Variants in CARF observed in about 807,000 individuals in gnomAD.
The protein encoded by CARF is calcium-responsive transcription factor.
In CARF, 57 loss-of-function variants were observed where a neutral mutation model predicts 82.0. The observed-to-expected ratio is 0.70, with a 90% CI of 0.56 to 0.87. The LOEUF (loss-of-function observed/expected upper bound fraction) is 0.87, where lower values mean the gene tolerates loss of function less well. CARF is among the 40% of genes least tolerant of loss of function. CARF has a pLI of 0.00. For synonymous variants in CARF, 268 were observed against 290.1 expected (o/e 0.92, Z 0.77); for missense variants, 771 against 855.8 (o/e 0.90, Z 1.24).
intron 1 of CARF, among the ~76,000 whole-genome samples, chr2:202,914,656 A>C (rs1689258261): frequency 6.6e-6 from 1 of 151,884 alleles, no homozygotes; most frequent in Non-Finnish European, 1.5e-5. Context: ...GGGGGTGCCT[A>C]TAATCCGAGC....
At chr2:202,915,006 TTTG>T (rs1689352231) in intron 1 of CARF, among the ~76,000 whole-genome samples, 1 of 151,712 alleles carries the variant, frequency 6.6e-6, no homozygotes, top group Non-Finnish European at 1.5e-5. Context: ...GGTGGTGGTG[TTTG>T]TTGTTTTGTT....
intron 10 of CARF, 87 bp downstream of exon 10, chr2:202,967,185 AC>A: frequency 7.2e-7 from 1 of 1,381,826 alleles, no homozygotes; most frequent in South Asian, 1.5e-5. Flanking sequence ...TTTATACAGT[AC>A]CAAAAAGTAT....
intron 5 of CARF, among the ~76,000 whole-genome samples, chr2:202,948,311 G>T (rs926100432): frequency 6.6e-6 from 1 of 152,096 alleles, no homozygotes. Context: ...TCTACTTTTT[G>T]CTTAGGATTG....
rs367848054 is a variant in CARF at position 202,955,700 on chromosome 2, C to T, written c.584C>T (p.Pro195Leu). 3.1e-6 allele frequency: 5 copies of T among 1,610,286 alleles called. No individual in the cohort carries two copies. In the African/African-American group the frequency reaches 5.3e-5, roughly 17 times the overall value. Residue 195 changes from proline (P) to leucine (L), a missense_variant, in exon 8 of 17, where the codon CCT (proline) becomes CTT (leucine). Pro to Leu is a moderately conservative substitution (Grantham distance 98). Coordinates refer to ENST00000438828, the MANE Select transcript of CARF (RefSeq NM_024744.17). ...ATGCTGGAAGAACCCCTTCTGGGGCCTCTTCAGCCACTTTCTTCTAATACA... is the reference window on the plus strand; with the variant it reads ...ATGCTGGAAGAACCCCTTCTGGGGCTTCTTCAGCCACTTTCTTCTAATACA... ...TGMLEEPLLG[P>L]LQPLSSNTPI...
intron 8 of CARF, among the ~76,000 whole-genome samples, chr2:202,956,288 C>T (rs1367240117): frequency 6.6e-6 from 1 of 151,992 alleles, no homozygotes; most frequent in Non-Finnish European, 1.5e-5. Context: ...CAGAGTCTCC[C>T]TCTGTCCCCC....
At chr2:202,980,617 TATATATATATATATATA>T (rs1300988794) in intron 14 of CARF, among the ~76,000 whole-genome samples, 945 of 30,644 alleles carry the variant, frequency 0.031, 33 homozygotes, top group African/African-American at 0.063. Flanking sequence ...GTCTTTCAAG[TATATATATATATATATA>T]TATATATATA....
chr2:202,964,564 A>C (rs769663300), intron 9 of CARF, among the ~76,000 whole-genome samples: 1 of 152,170 alleles, frequency 6.6e-6, no homozygotes, highest in Non-Finnish European at 1.5e-5. Context: ...TACAGGCATG[A>C]GCCACTGTGC....
rs2060391397 is a variant in CARF, at chr2:202,985,092, A to G, written c.*1468A>G. ...AAAAGATTGGTAAACTAGAAATATC[A>G]ACTATAATTGTCAGGAAATTAACCT... On this transcript the variant is annotated 3_prime_UTR_variant, in exon 17 of 17. Transcript: ENST00000438828. 1 of 152,008 alleles carries G rather than the reference A, an allele frequency of 6.6e-6. No homozygotes were observed. Among genetic ancestry groups the G allele is most frequent in the Non-Finnish European group, 1.5e-5 (1 of 67,992 alleles). 9.4% of individuals were successfully genotyped at this position (152,008 alleles called of 1,614,324 possible).
rs1192034453 is a variant in CARF at position 202,986,895 on chromosome 2, T to TATATAC, written c.*3276_*3277insCATATA. On this transcript the variant is annotated 3_prime_UTR_variant, in exon 17 of 17. Transcript: ENST00000438828. ...ATATATATATATATATATATATATA[T>TATATAC]ATATATATATATAGCAACTTGATGT... 50 of 107,472 alleles carry TATATAC rather than the reference T, an allele frequency of 4.7e-4. No homozygotes were observed. The highest frequency in any genetic ancestry group is 1.0e-3 in the South Asian group (4 of 3,810). The allele number at this position is 107,472 out of a possible 1,614,324, so 6.7% of individuals were successfully genotyped here. A position where few individuals can be genotyped will look rare whatever the true frequency, so the allele number is the denominator to read the frequency against.
Position 202,914,794 on chromosome 2 carries a change from AAC to A in CARF, c.-330+1694_-330+1695del, listed in dbSNP as rs770863755. ...AACTCCATCTCAAAAAAAAAAAACA[AAC>A]AAAAAATCAGAGCAAAAAGGTAAAA... On this transcript the variant is annotated intron_variant, in intron 1 of 16. Transcript: ENST00000438828. 1.1e-4 allele frequency among the ~76,000 whole-genome samples: 17 copies of A among 150,306 alleles called. 7 individuals are homozygous for A. Among genetic ancestry groups the A allele is most frequent in the Non-Finnish European group, 1.8e-4 (12 of 67,580 alleles).
chr2:202,974,874 G>A (rs1305880217), intron 13 of CARF, among the ~76,000 whole-genome samples: 2 of 152,058 alleles, frequency 1.3e-5, no homozygotes, highest in Non-Finnish European at 2.9e-5. Context: ...ACTCCAGCCT[G>A]GGAGACTCAG....
At chr2:202,938,453 CA>C (rs1295575095) in intron 3 of CARF, 2 of 151,602 alleles carry the variant, frequency 1.3e-5, no homozygotes, top group African/African-American at 4.8e-5. Flanking sequence ...TTATTTTTAG[CA>C]GAGACAGGGT....
intron 1 of CARF, among the ~76,000 whole-genome samples, 163 bp downstream of exon 1, chr2:202,913,265 T>C (rs1688976270): frequency 6.6e-6 from 1 of 152,138 alleles, no homozygotes; most frequent in South Asian, 2.1e-4. Flanking sequence ...TAGAGAGCAA[T>C]GACAATAAAA....
rs1044880729 is a variant in CARF, at chr2:202,983,393, T to G, written c.2060-113T>G. 7 of 682,306 alleles carry G rather than the reference T, an allele frequency of 1.0e-5. No individual in the cohort carries two copies. In the South Asian group the frequency reaches 1.4e-4, roughly 14 times the overall value. The allele number at this position is 682,306 out of a possible 1,614,324, so 42.3% of individuals were successfully genotyped here. On this transcript the variant is annotated intron_variant, in intron 16 of 16. Coordinates refer to ENST00000438828, the MANE Select transcript of CARF (RefSeq NM_024744.17). ...GTGGGAAAAGATTTGCAGTTTGCTT[T>G]GAAGAACAAAAGTTTTCACAGAAGT...
chr2:202,926,209 T>C (rs779132127), intron 3 of CARF, among the ~76,000 whole-genome samples: 1 of 152,152 alleles, frequency 6.6e-6, no homozygotes, highest in Non-Finnish European at 1.5e-5. Flanking sequence ...TGAGGCCCAA[T>C]TGTGGACCTC....
In CARF at chr2:202,984,106, G is replaced by A. The variant is rs532220540; in HGVS notation, c.*482G>A. 6.6e-6 allele frequency: 1 copy of A among 152,464 alleles called. No individual in the cohort carries two copies. Among genetic ancestry groups the A allele is most frequent in the African/African-American group, 2.4e-5 (1 of 41,512 alleles). 9.4% of individuals were successfully genotyped at this position (152,464 alleles called of 1,614,324 possible). ...GAAGAAATTGTTAATTGCCAGACAG[G>A]TAAGAAAATGTTTATAATCTATCTC... On this transcript the variant is annotated 3_prime_UTR_variant, in exon 17 of 17. Coordinates refer to ENST00000438828, the MANE Select transcript of CARF (RefSeq NM_024744.17).
intron 12 of CARF, 50 bp downstream of exon 12, chr2:202,971,788 C>T (rs376609711): frequency 4.3e-5 from 60 of 1,380,684 alleles, no homozygotes; most frequent in Non-Finnish European, 5.8e-5. Context: ...TTGTTTGTTG[C>T]TTTAAATAAT....
In CARF at chr2:202,953,985, T is replaced by A; in HGVS notation, c.428-20T>A. 1 of 1,586,300 alleles carries A rather than the reference T, an allele frequency of 6.3e-7. No homozygotes were observed. Among genetic ancestry groups the A allele is most frequent in the South Asian group, 1.2e-5 (1 of 85,840 alleles). Reference sequence around the variant, plus strand: ...TATTCAAGATATTGATGTTACTTTGTTCTTGTTTTTGTTGTTAAGATGTCC... The same window carrying A: ...TATTCAAGATATTGATGTTACTTTGATCTTGTTTTTGTTGTTAAGATGTCC... On this transcript the variant is annotated intron_variant, in intron 6 of 16. Coordinates refer to ENST00000438828, the MANE Select transcript of CARF (RefSeq NM_024744.17).
chr2:202,961,658 G>A, intron 9 of CARF: 1 of 488,568 alleles, frequency 2.0e-6, no homozygotes, highest in Non-Finnish European at 3.6e-6. Flanking sequence ...ATATTATACT[G>A]AAAAATAAAA....
Sources: gnomAD v4.1 joint callset for allele counts (sites outside exome capture counted in the v4.1 genomes callset) on GRCh38, gnomAD v4.1.1 for gene constraint, MANE v1.5 for transcripts, NCBI Gene and HGNC (gene_info 2026-07-23, HGNC 2026-07-21) for gene names.